Variants in CPLX1 observed in about 807,000 individuals in gnomAD.
CPLX1 encodes the protein complexin-1.
A neutral mutation model predicts 15.6 loss-of-function variants in CPLX1; 6 were observed. The ratio of observed to expected loss-of-function variants is 0.39; its 90% CI spans 0.21 to 0.76. The LOEUF (loss-of-function observed/expected upper bound fraction) is 0.76, where lower values mean the gene tolerates loss of function less well. Among genes scored for constraint, CPLX1 ranks in the 30% least tolerant of loss-of-function variants. The pLI is 0.43. For missense variants in CPLX1, 242 were observed against 188.6 expected (o/e 1.28, Z -1.66); for synonymous variants, 91 against 75.2 (o/e 1.21, Z -1.08).
intron 2 of CPLX1, among the ~76,000 whole-genome samples, chr4:817,456 G>A (rs945367216): frequency 1.3e-5 from 2 of 151,704 alleles, no homozygotes; most frequent in African/African-American, 4.8e-5. Context: ...TACTCAGGAG[G>A]CTGAGGCAGG....
chr4:800,546 G>T (rs1312766026), intron 2 of CPLX1, among the ~76,000 whole-genome samples: 1 of 75,270 alleles, frequency 1.3e-5, no homozygotes, highest in Non-Finnish European at 2.4e-5. Context: ...ACACACACAT[G>T]TATGTATATA....
chr4:788,636 G>C, intron 3 of CPLX1: 3 of 972,012 alleles, frequency 3.1e-6, no homozygotes, highest in Non-Finnish European at 3.7e-6. Flanking sequence ...TCTCGTCCTA[G>C]CCATCCACAG....
At chr4:811,706 T>C (rs1746668192) in intron 2 of CPLX1, among the ~76,000 whole-genome samples, 1 of 152,216 alleles carries the variant, frequency 6.6e-6, no homozygotes, top group South Asian at 2.1e-4. Context: ...CTGTTGCTGC[T>C]CAGAGCGTCT....
At chr4:797,175 G>A (rs1269514770) in intron 2 of CPLX1, among the ~76,000 whole-genome samples, 2 of 152,196 alleles carry the variant, frequency 1.3e-5, no homozygotes, top group East Asian at 1.9e-4. Context: ...TCTCTGGCCC[G>A]TCACCAGCTG....
intron 2 of CPLX1, among the ~76,000 whole-genome samples, chr4:799,611 C>T (rs999486528): frequency 6.6e-6 from 1 of 152,198 alleles, no homozygotes; most frequent in Non-Finnish European, 1.5e-5. Flanking sequence ...ACCTGTAATC[C>T]CAGCACTTTG....
chr4:795,932 G>T (rs1746327236), intron 2 of CPLX1, among the ~76,000 whole-genome samples: 1 of 152,144 alleles, frequency 6.6e-6, no homozygotes, highest in Non-Finnish European at 1.5e-5. Context: ...ATCGGGGAGG[G>T]TGGGGTCAGG....
intron 2 of CPLX1, among the ~76,000 whole-genome samples, chr4:796,636 G>A (rs763297844): frequency 3.3e-5 from 5 of 152,044 alleles, no homozygotes; most frequent in South Asian, 2.1e-4. Context: ...ATAAAACTAC[G>A]GGGAAAATTA....
Position 785,492 on chromosome 4 carries a change from T to G in CPLX1, c.*1009A>C, listed in dbSNP as rs956150321. On this transcript the variant is annotated 3_prime_UTR_variant, in exon 4 of 4. Transcript: ENST00000304062. ...ATAAAACTCATTAAATGCAAAGACC[T>G]CATTTACCTGAGATTCAACAAATTG... is the stretch of plus-strand genomic sequence containing the variant. 3 of 152,562 alleles carry G rather than the reference T, an allele frequency of 2.0e-5. No homozygotes were observed. The highest frequency in any genetic ancestry group is 7.2e-5 in the African/African-American group (3 of 41,448). 9.5% of individuals were successfully genotyped at this position (152,562 alleles called of 1,614,324 possible). A position where few individuals can be genotyped will look rare whatever the true frequency, so the allele number is the denominator to read the frequency against.
chr4:825,941 CGG>C, intron 1 of CPLX1, 103 bp downstream of exon 1: 1 of 123,396 alleles, frequency 8.1e-6, no homozygotes, highest in Non-Finnish European at 1.7e-5. Flanking sequence ...CCGGGGCCGG[CGG>C]GAGAAGCGGG....
chr4:787,866 GGTGGGAACCA>G, intron 3 of CPLX1: 1 of 985,466 alleles, frequency 1.0e-6, no homozygotes, highest in South Asian at 4.7e-5. Context: ...TGCCCAGGAA[GGTGGGAACCA>G]GTGGGGTTGG....
At chr4:803,600 T>G (rs1190412412) in intron 2 of CPLX1, among the ~76,000 whole-genome samples, 7 of 149,406 alleles carry the variant, frequency 4.7e-5, no homozygotes, top group Non-Finnish European at 1.0e-4. Context: ...GGTTTCACCG[T>G]GGTCTCGATC....
intron 2 of CPLX1, among the ~76,000 whole-genome samples, chr4:808,239 C>CATAA (rs552670348): frequency 0.023 from 3,474 of 150,356 alleles, 60 homozygotes; most frequent in Non-Finnish European, 0.036. Context: ...TCAATAAATA[C>CATAA]ATAAATAAAT....
At chr4:815,777 A>G (rs905646744) in intron 2 of CPLX1, among the ~76,000 whole-genome samples, 1 of 152,208 alleles carries the variant, frequency 6.6e-6, no homozygotes, top group Non-Finnish European at 1.5e-5. Flanking sequence ...CTGTTGATAC[A>G]GTGTTTGCCA....
chr4:797,275 T>C lies in CPLX1; in HGVS notation c.32-4667A>G, dbSNP rs1577473952. Among the ~76,000 whole-genome samples the C allele has an allele frequency of 2.0e-5, 3 of 152,312 alleles. No homozygotes were observed. In the South Asian group the frequency reaches 6.2e-4, roughly 32 times the overall value. ...GCCAGTCTGCTAACAGAAAGCCCCA[T>C]GGGAGCAGGCAGTCAGCTCGGAGCT... On this transcript the variant is annotated intron_variant, in intron 2 of 3. Coordinates refer to ENST00000304062, the MANE Select transcript of CPLX1 (RefSeq NM_006651.4).
intron 3 of CPLX1, among the ~76,000 whole-genome samples, chr4:791,347 C>A: frequency 9.8e-6 from 1 of 102,326 alleles, no homozygotes; most frequent in African/African-American, 4.0e-5. Flanking sequence ...GGGTGCATGG[C>A]GGTGGGCGGG....
chr4:797,207 A>G (rs1020129072), intron 2 of CPLX1, among the ~76,000 whole-genome samples: 1 of 152,214 alleles, frequency 6.6e-6, no homozygotes, highest in Non-Finnish European at 1.5e-5. Flanking sequence ...GTAGTTGTCC[A>G]TTACCTGAAA....
chr4:812,175 CAT>C (rs1186992223), intron 2 of CPLX1, among the ~76,000 whole-genome samples: 1 of 152,058 alleles, frequency 6.6e-6, no homozygotes, highest in East Asian at 1.9e-4. Context: ...CCTGGGTTCA[CAT>C]GATTCTCCTG....
chr4:792,470 G>A lies in CPLX1; in HGVS notation c.170C>T (p.Ala57Val), dbSNP rs376139437. Residue 57 changes from alanine to valine, a missense_variant, in exon 3 of 4, where the codon GCG becomes GTG. By Grantham distance (64) the Ala-to-Val change is moderately conservative. Coordinates refer to ENST00000304062, the MANE Select transcript of CPLX1 (RefSeq NM_006651.4). ...GCCCTGGCGCACGGCCTCGCGCTCC[G>A]CCTCCATCTTGGCGTACTTGGCCTT... ...ERKAKYAKME[A>V]EREAVRQGIR... 3.1e-6 allele frequency: 5 copies of A among 1,610,018 alleles called. No individual in the cohort carries two copies. Among genetic ancestry groups the A allele is most frequent in the East Asian group, 2.2e-5 (1 of 44,674 alleles).
chr4:812,312 G>A (rs900170781), intron 2 of CPLX1, among the ~76,000 whole-genome samples: 1 of 151,994 alleles, frequency 6.6e-6, no homozygotes, highest in African/African-American at 2.4e-5. Context: ...CCTCACCTCA[G>A]GTGATTCAGT....
Sources: gnomAD v4.1 joint callset for allele counts (sites outside exome capture counted in the v4.1 genomes callset) on GRCh38, gnomAD v4.1.1 for gene constraint, MANE v1.5 for transcripts, NCBI Gene and HGNC (gene_info 2026-07-23, HGNC 2026-07-21) for gene names.